SMARCA2: variants seen among roughly 807,000 people sequenced by gnomAD.
SMARCA2 encodes the protein SWI/SNF related BAF chromatin remodeling complex subunit ATPase 2.
Under a neutral mutation model 199.8 loss-of-function variants are expected in SMARCA2, and 61 were observed. The ratio of observed to expected loss-of-function variants is 0.31; its 90% confidence interval spans 0.25 to 0.38. SMARCA2 has a LOEUF of 0.38. SMARCA2 is among the 10% of genes least tolerant of loss of function. The probability of loss-of-function intolerance (pLI) is 1.00; values close to 1 mark genes in which losing one functional copy is unlikely to be tolerated. For synonymous variants in SMARCA2, 935 were observed against 732.0 expected, an observed-to-expected ratio of 1.28 and a Z score of -4.48; for missense variants, 1,344 against 2,012.2, an observed-to-expected ratio of 0.67 and a Z score of 6.35.
chr9:2,081,189 G>A (rs1339968282), intron 14 of SMARCA2, among the ~76,000 whole-genome samples: 1 of 152,164 alleles, frequency 6.6e-6, no homozygotes, highest in Non-Finnish European at 1.5e-5. Context: ...CCTTACTTTT[G>A]TACTTAACGT....
chr9:2,130,741 A>G (rs1286882096), intron 27 of SMARCA2, among the ~76,000 whole-genome samples: 2 of 152,218 alleles, frequency 1.3e-5, no homozygotes, highest in African/African-American at 2.4e-5. Flanking sequence ...ATATATATGT[A>G]TAATTGCGCA....
intron 27 of SMARCA2, chr9:2,158,757 T>C (rs1045877604): frequency 1.1e-5 from 5 of 461,900 alleles, no homozygotes; most frequent in African/African-American, 2.0e-5. Context: ...AAAATCTCCA[T>C]GAATAATTTT....
Position 2,170,613 on chromosome 9 carries a change from A to G in SMARCA2, c.4253+141A>G, listed in dbSNP as rs1019436050. 5 of 1,355,792 alleles carry G rather than the reference A, an allele frequency of 3.7e-6. No homozygotes were observed. Among genetic ancestry groups the G allele is most frequent in the Admixed American group, 1.9e-5 (1 of 51,544 alleles). The allele number at this position is 1,355,792 out of a possible 1,614,324, so 84.0% of individuals were successfully genotyped here. ...CACCCCTACTTGGAGAGCGGGATAG[A>G]GGCACAGATACTCTTAAACAGCTGT... On this transcript the variant is annotated intron_variant, in intron 29 of 33. Coordinates refer to ENST00000349721, the MANE Select transcript of SMARCA2 (RefSeq NM_003070.5). The surrounding 1 kb of genome is among the most constrained non-coding windows in gnomAD (Gnocchi z 4.7).
chr9:2,080,029 T>C (rs1198254301), intron 14 of SMARCA2: 1 of 152,246 alleles, frequency 6.6e-6, no homozygotes, highest in African/African-American at 2.4e-5. Flanking sequence ...TCCTGGAATC[T>C]TGACTAGCCA....
At chr9:2,092,241 G>A (rs978865435) in intron 19 of SMARCA2, among the ~76,000 whole-genome samples, 2 of 152,132 alleles carry the variant, frequency 1.3e-5, no homozygotes, top group African/African-American at 4.8e-5. Flanking sequence ...GCTAAAATAT[G>A]TATATAATAT....
At chr9:2,097,079 A>C in intron 20 of SMARCA2, 1 of 497,920 alleles carries the variant, frequency 2.0e-6, no homozygotes, top group South Asian at 2.6e-5. Flanking sequence ...CTCCCTGGGC[A>C]TCTGTTCTGT....
At chr9:2,102,494 C>G (rs1822564211) in intron 22 of SMARCA2, among the ~76,000 whole-genome samples, 1 of 152,166 alleles carries the variant, frequency 6.6e-6, no homozygotes, top group South Asian at 2.1e-4. Flanking sequence ...AAATCAACTA[C>G]CAGATGAGAC....
intron 2 of SMARCA2, chr9:2,032,371 T>C (rs1819107997): frequency 6.6e-6 from 1 of 152,350 alleles, no homozygotes; most frequent in Admixed American, 6.5e-5. Flanking sequence ...TTTAACCTTT[T>C]CCGTTCCTCC....
chr9:2,058,985 C>CT (rs1436851108), intron 8 of SMARCA2, among the ~76,000 whole-genome samples: 1 of 152,000 alleles, frequency 6.6e-6, no homozygotes, highest in African/African-American at 2.4e-5. Context: ...GAAATGTTGC[C>CT]TTTTTTGTGA....
At position 2,076,311 on chromosome 9, in the gene SMARCA2, A is replaced by C. The variant is rs1220950400; in HGVS notation, c.2018A>C (p.Asp673Ala). 6.2e-7 allele frequency: 1 copy of C among 1,603,226 alleles called. No individual in the cohort carries two copies. The highest frequency in any genetic ancestry group is 8.5e-7 in the Non-Finnish European group (1 of 1,170,076). Reference protein sequence around the residue: ...DPNSEEVSEKDAKQIIETAKQ... With the variant: ...DPNSEEVSEKAAKQIIETAKQ... ...AATAGCGAAGAAGTTTCTGAGAAGG[A>C]TGCTAAGCAGATCATTGAGTATGTA... Residue 673 changes from aspartate to alanine, a missense_variant, in exon 13 of 34, where the codon GAT becomes GCT. Around this residue, in one of 18 missense-constraint regions of SMARCA2, gnomAD observed 106 missense variants for 179.7 expected, o/e 0.59. Transcript: ENST00000349721.
chr9:2,180,721 C>T (rs554240856), intron 29 of SMARCA2, among the ~76,000 whole-genome samples: 58 of 152,350 alleles, frequency 3.8e-4, no homozygotes, highest in African/African-American at 1.4e-3. Flanking sequence ...CCTTTAACCA[C>T]ATCTGCTTCC....
rs184224520 is a variant in SMARCA2 at position 2,058,141 on chromosome 9, G to C, written c.1348-150G>C. ...CCCCATGGCCCACACCTTAACTGCAGAGACACCAGGGCACCTATCCCCAAA... is the reference window on the plus strand; with the variant it reads ...CCCCATGGCCCACACCTTAACTGCACAGACACCAGGGCACCTATCCCCAAA... On this transcript the variant is annotated intron_variant, in intron 7 of 33. Transcript: ENST00000349721. 1.2e-3 allele frequency: 827 copies of C among 683,596 alleles called. 10 individuals are homozygous for C. In the African/African-American group the frequency reaches 0.014, roughly 11 times the overall value. The allele number at this position is 683,596 out of a possible 1,614,324, so 42.3% of individuals were successfully genotyped here. A position where few individuals can be genotyped will look rare whatever the true frequency, so the allele number is the denominator to read the frequency against.
At chr9:2,155,720 CTTTTTTTTT>C (rs59156319) in intron 27 of SMARCA2, among the ~76,000 whole-genome samples, 7 of 53,190 alleles carry the variant, frequency 1.3e-4, no homozygotes, top group Admixed American at 3.2e-4. Flanking sequence ...AAGAGAAAAC[CTTTTTTTTT>C]TTTTTTTTTT....
intron 28 of SMARCA2, among the ~76,000 whole-genome samples, chr9:2,163,362 G>C (rs888509454): frequency 6.6e-6 from 1 of 152,138 alleles, no homozygotes; most frequent in African/African-American, 2.4e-5. Context: ...TTGGACCAAC[G>C]GTTCATTAAT....
intron 4 of SMARCA2, chr9:2,045,976 A>G (rs890557591): frequency 6.6e-6 from 1 of 152,158 alleles, no homozygotes; most frequent in Non-Finnish European, 1.5e-5. Flanking sequence ...CCCATTTCTA[A>G]TTGGTGATTG....
chr9:2,088,640 G>GTT (rs745858512), intron 19 of SMARCA2, 27 bp downstream of exon 19: 22 of 1,395,700 alleles, frequency 1.6e-5, no homozygotes, highest in East Asian at 2.5e-5. Context: ...AAAGTTGTGG[G>GTT]TTTTTTTTTT....
chr9:2,174,143 C>T (rs560088488), intron 29 of SMARCA2, among the ~76,000 whole-genome samples: 2 of 152,234 alleles, frequency 1.3e-5, no homozygotes, highest in East Asian at 3.9e-4. Flanking sequence ...CCAGCATTAG[C>T]CTGGCCCTGA....
At chr9:2,113,220 C>T (rs937585646) in intron 24 of SMARCA2, among the ~76,000 whole-genome samples, 1 of 152,086 alleles carries the variant, frequency 6.6e-6, no homozygotes, top group African/African-American at 2.4e-5. Context: ...ATTGAGGACC[C>T]TACCTAGAAG....
intron 5 of SMARCA2, among the ~76,000 whole-genome samples, chr9:2,051,456 A>C (rs1461841034): frequency 1.3e-5 from 2 of 151,290 alleles, no homozygotes; most frequent in Non-Finnish European, 3.0e-5. Flanking sequence ...CGGGGTTCCC[A>C]CCCCCCATCT....
Sources: gnomAD v4.1 joint callset for allele counts (sites outside exome capture counted in the v4.1 genomes callset) on GRCh38, gnomAD v4.1.1 for gene constraint, gnomAD v4.1.1 regional missense constraint, Gnocchi (gnomAD v3.1) non-coding constraint, MANE v1.5 for transcripts, NCBI Gene and HGNC (gene_info 2026-07-23, HGNC 2026-07-21) for gene names.